The following FMN1 variants were observed in gnomAD, a reference collection of about 807,000 sequenced individuals.
FMN1 encodes the protein formin-1.
In FMN1, 110 loss-of-function variants were observed where a neutral mutation model predicts 132.4. That is an observed-to-expected ratio of 0.83 (90% CI 0.71 to 0.97). FMN1 has a LOEUF of 0.97. FMN1 is among the 50% of genes least tolerant of loss of function. The pLI is 0.00. For synonymous variants in FMN1, 722 were observed against 651.7 expected (o/e 1.11, Z -1.64); for missense variants, 1,792 against 1,705.3 (o/e 1.05, Z -0.90).
chr15:33,090,737 C>G (rs565707965), intron 4 of FMN1, among the ~76,000 whole-genome samples: 1 of 152,156 alleles, frequency 6.6e-6, no homozygotes, highest in Non-Finnish European at 1.5e-5. Context: ...TGACCCACTT[C>G]TAGTCTCAAG....
intron 9 of FMN1, among the ~76,000 whole-genome samples, chr15:32,948,248 G>A (rs757339262): frequency 7.3e-5 from 11 of 151,606 alleles, no homozygotes; most frequent in African/African-American, 1.2e-4. Flanking sequence ...TACTAATTTT[G>A]AATCAAATTT....
At chr15:32,830,871 T>A (rs913292265) in intron 17 of FMN1, among the ~76,000 whole-genome samples, 2 of 152,080 alleles carry the variant, frequency 1.3e-5, no homozygotes, top group Non-Finnish European at 2.9e-5. Context: ...AAATGACATC[T>A]AAAGACGGGA....
chr15:33,069,993 C>CTCTTTTT (rs398026774), intron 5 of FMN1, among the ~76,000 whole-genome samples: 2,400 of 74,360 alleles, frequency 0.032, 232 homozygotes, highest in Admixed American at 0.04. Flanking sequence ...CAGTCTTTCT[C>CTCTTTTT]TTTTTTTTTT....
chr15:32,967,338 A>G (rs899085042), intron 8 of FMN1, among the ~76,000 whole-genome samples: 18 of 152,310 alleles, frequency 1.2e-4, no homozygotes, highest in Admixed American at 3.3e-4. Flanking sequence ...AAGGCAGGCT[A>G]GTGGGACACA....
rs373185751 is a variant in FMN1, at chr15:32,823,152, G to GTTTTTTTTTTTT, written c.3929-18832_3929-18821dup. ...GTCTCAAAGACAGAGAGTTTCTACT[G>GTTTTTTTTTTTT]TTTTTTTTTTTTTTTTTTTTTTTTT... is the stretch of plus-strand genomic sequence containing the variant. On this transcript the variant is annotated intron_variant, in intron 17 of 20. Transcript: ENST00000616417. 4.6e-4 allele frequency among the ~76,000 whole-genome samples: 40 copies of GTTTTTTTTTTTT among 86,224 alleles called. 5 individuals are homozygous for GTTTTTTTTTTTT. The highest frequency in any genetic ancestry group is 2.1e-3 in the African/African-American group (39 of 18,748). The allele number at this position is 86,224 out of a possible 152,430, so 56.6% of individuals were successfully genotyped here. A position where few individuals can be genotyped will look rare whatever the true frequency, so the allele number is the denominator to read the frequency against.
chr15:33,051,496 C>T (rs982798112), intron 6 of FMN1, among the ~76,000 whole-genome samples: 11 of 38,388 alleles, frequency 2.9e-4, no homozygotes. Context: ...TGTGACAGTG[C>T]CGCTCTAATA....
chr15:33,049,914 A>G (rs61999970), intron 6 of FMN1, among the ~76,000 whole-genome samples: 34,213 of 152,242 alleles, frequency 0.22, 4,858 homozygotes, highest in Non-Finnish European at 0.31. Context: ...GGGGCTGCTC[A>G]ATTCACGAAT....
Position 33,078,933 on chromosome 15 carries a change from T to TA in FMN1, c.2043+9865dup, listed in dbSNP as rs2038337616. Among the ~76,000 whole-genome samples the TA allele has an allele frequency of 2.0e-5, 3 of 152,298 alleles. No homozygotes were observed. The South Asian group carries it at 6.2e-4, about 32-fold the overall frequency. On this transcript the variant is annotated intron_variant, in intron 5 of 20. Coordinates refer to ENST00000616417, the MANE Select transcript of FMN1 (RefSeq NM_001277313.2). ...AGTTTAGTGAATGCAGACAGAACCTTAAGCTTTTGAGACAGAAAAATGAGG... is the reference window on the plus strand; with the variant it reads ...AGTTTAGTGAATGCAGACAGAACCTTAAAGCTTTTGAGACAGAAAAATGAGG...
intron 16 of FMN1, among the ~76,000 whole-genome samples, chr15:32,885,684 T>C (rs767861810): frequency 6.6e-5 from 10 of 152,196 alleles, no homozygotes; most frequent in Non-Finnish European, 1.5e-4. Flanking sequence ...TGCATAAAAA[T>C]GCCATTCAAA....
intron 9 of FMN1, among the ~76,000 whole-genome samples, chr15:32,958,573 C>T (rs953413019): frequency 2.0e-5 from 3 of 152,098 alleles, no homozygotes; most frequent in Non-Finnish European, 4.4e-5. Flanking sequence ...TACATACATA[C>T]ATACATACAT....
At chr15:33,165,380 G>C (rs974230093) in intron 3 of FMN1, among the ~76,000 whole-genome samples, 3 of 152,130 alleles carry the variant, frequency 2.0e-5, no homozygotes, top group African/African-American at 7.2e-5. Flanking sequence ...AGCACAAGGG[G>C]TTTAAGTAGG....
At chr15:33,037,983 G>A (rs1466602545) in intron 6 of FMN1, among the ~76,000 whole-genome samples, 1 of 152,188 alleles carries the variant, frequency 6.6e-6, no homozygotes, top group Non-Finnish European at 1.5e-5. Context: ...CATACCTTGG[G>A]AGGCCAAGGC....
In FMN1 at chr15:32,998,756, G is replaced by C. The variant is rs140543555; in HGVS notation, c.2223+9258C>G. On this transcript the variant is annotated intron_variant, in intron 7 of 20. Transcript: ENST00000616417. ...CACCTGTATTGACTCATGTTCAGGGGTTAAGACTCAGCAGAAATGATTGAA... is the reference window on the plus strand; with the variant it reads ...CACCTGTATTGACTCATGTTCAGGGCTTAAGACTCAGCAGAAATGATTGAA... 2.5e-3 allele frequency among the ~76,000 whole-genome samples: 380 copies of C among 152,310 alleles called. 1 individual carries two copies. Among genetic ancestry groups the C allele is most frequent in the African/African-American group, 8.2e-3 (340 of 41,572 alleles).
intron 11 of FMN1, 85 bp from the exon 12 acceptor site, chr15:32,908,663 C>A (rs2060487410): frequency 2.5e-6 from 2 of 805,056 alleles, no homozygotes; most frequent in Non-Finnish European, 3.9e-6. Flanking sequence ...GTCTCAAAGT[C>A]TCGAAGTGTG....
At chr15:32,892,364 A>T (rs1197384362) in intron 15 of FMN1, among the ~76,000 whole-genome samples, 3 of 152,174 alleles carry the variant, frequency 2.0e-5, no homozygotes, top group Admixed American at 1.3e-4. Flanking sequence ...CACATTTATT[A>T]ACTTGCGTAT....
At chr15:33,145,687 A>G (rs1441636053) in intron 4 of FMN1, among the ~76,000 whole-genome samples, 1 of 151,072 alleles carries the variant, frequency 6.6e-6, no homozygotes, top group African/African-American at 2.4e-5. Context: ...CCCAGCCCTC[A>G]AGCAGAAGAC....
chr15:33,027,552 G>A (rs910305774), intron 6 of FMN1, among the ~76,000 whole-genome samples: 1 of 152,006 alleles, frequency 6.6e-6, no homozygotes, highest in Admixed American at 6.6e-5. Context: ...AGAAACACTA[G>A]TTTTAGACAT....
At chr15:32,783,496 C>T (rs1035011256) in intron 19 of FMN1, among the ~76,000 whole-genome samples, 1 of 152,048 alleles carries the variant, frequency 6.6e-6, no homozygotes, top group Non-Finnish European at 1.5e-5. Context: ...CCTGTAATCC[C>T]AGCACTTTGG....
intron 17 of FMN1, among the ~76,000 whole-genome samples, chr15:32,805,457 T>G (rs760106727): frequency 1.3e-5 from 2 of 152,224 alleles, no homozygotes; most frequent in Non-Finnish European, 2.9e-5. Context: ...AGGTTGCCTG[T>G]TCACTCTGAT....
Sources: allele counts gnomAD v4.1 joint callset (sites outside exome capture counted in the v4.1 genomes callset), GRCh38; gene constraint gnomAD v4.1.1; transcripts MANE v1.5; gene names NCBI Gene and HGNC (gene_info 2026-07-23, HGNC 2026-07-21).